The following CFAP299 variants were observed in gnomAD, a reference collection of about 807,000 sequenced individuals.
The protein encoded by CFAP299 is cilia and flagella associated protein 299, also known as cilia- and flagella-associated protein 299.
CFAP299 carries 21 observed loss-of-function variants against 27.0 expected under a neutral mutation model. The observed-to-expected ratio is 0.78, with a 90% confidence interval of 0.55 to 1.12. The LOEUF is 1.12. Among genes scored for constraint, CFAP299 ranks in the 50% most tolerant of loss-of-function variants. CFAP299 has a pLI of 0.00. For missense variants in CFAP299, 310 were observed against 276.6 expected (o/e 1.12, Z -0.86); for synonymous variants, 104 against 98.1 (o/e 1.06, Z -0.36).
At chr4:80,598,517 G>A (rs1267427678) in intron 3 of CFAP299, among the ~76,000 whole-genome samples, 1 of 152,098 alleles carries the variant, frequency 6.6e-6, no homozygotes, top group Non-Finnish European at 1.5e-5. Context: ...CAATTAACAT[G>A]TTTTCTTGAG....
chr4:80,331,643 C>G (rs1011894952), upstream of CFAP299, among the ~76,000 whole-genome samples: 1 of 152,094 alleles, frequency 6.6e-6, no homozygotes, highest in Non-Finnish European at 1.5e-5. Flanking sequence ...CTCACATGAA[C>G]AACTGAGAGG....
intron 5 of CFAP299, among the ~76,000 whole-genome samples, chr4:80,958,786 C>T (rs746681496): frequency 6.6e-6 from 1 of 152,146 alleles, no homozygotes; most frequent in Admixed American, 6.6e-5. Context: ...ACTCATGGTG[C>T]AATCTGAAAG....
chr4:80,335,048 G>C (rs550603192), upstream of CFAP299, among the ~76,000 whole-genome samples: 3 of 152,238 alleles, frequency 2.0e-5, no homozygotes, highest in Non-Finnish European at 4.4e-5. Context: ...ACACAATACT[G>C]TTCTGAAGAA....
At chr4:80,895,499 A>G (rs886483649) in intron 4 of CFAP299, among the ~76,000 whole-genome samples, 10 of 152,032 alleles carry the variant, frequency 6.6e-5, no homozygotes, top group African/African-American at 2.4e-4. Flanking sequence ...TGTTTTCTGA[A>G]TATATGCCTT....
At chr4:80,558,183 C>CT (rs1734866053) in intron 2 of CFAP299, among the ~76,000 whole-genome samples, 8 of 152,060 alleles carry the variant, frequency 5.3e-5, no homozygotes, top group Admixed American at 5.3e-4. Flanking sequence ...CAGTTTCTCT[C>CT]TGTTTCCTAA....
At chr4:80,823,014 A>G (rs1475994881) in intron 3 of CFAP299, among the ~76,000 whole-genome samples, 2 of 152,212 alleles carry the variant, frequency 1.3e-5, no homozygotes, top group Non-Finnish European at 2.9e-5. Flanking sequence ...GGGAGAACAC[A>G]CCAGCTGCAT....
At chr4:80,667,575 G>A (rs958932669) in intron 3 of CFAP299, among the ~76,000 whole-genome samples, 1 of 151,928 alleles carries the variant, frequency 6.6e-6, no homozygotes, top group Non-Finnish European at 1.5e-5. Flanking sequence ...GTTCCCATAT[G>A]TGAACATGCA....
chr4:80,393,971 C>T (rs944763973), intron 2 of CFAP299, among the ~76,000 whole-genome samples: 1 of 152,098 alleles, frequency 6.6e-6, no homozygotes, highest in African/African-American at 2.4e-5. Flanking sequence ...GCGGCTTCCC[C>T]CATTCTGTTC....
intron 2 of CFAP299, among the ~76,000 whole-genome samples, chr4:80,458,011 T>C (rs1456704453): frequency 1.3e-5 from 2 of 152,190 alleles, no homozygotes; most frequent in Non-Finnish European, 2.9e-5. Context: ...ACCTGGATCT[T>C]AGTTTTACTT....
In CFAP299 at chr4:80,655,168, C is replaced by T. The variant is rs748486539; in HGVS notation, c.333+71985C>T. On this transcript the variant is annotated intron_variant, in intron 3 of 5. Coordinates refer to ENST00000358105, the MANE Select transcript of CFAP299 (RefSeq NM_152770.3). ...ATAAATGACAGACAGTCAAAACTTTCGGTGAGACTGATTGACTACAATAGG... is the reference window on the plus strand; with the variant it reads ...ATAAATGACAGACAGTCAAAACTTTTGGTGAGACTGATTGACTACAATAGG... Among the ~76,000 whole-genome samples, 30 of 152,202 alleles carry T rather than the reference C, an allele frequency of 2.0e-4. No homozygotes were observed. In the South Asian group the frequency reaches 2.9e-3, roughly 15 times the overall value.
chr4:80,752,240 C>T (rs1017993508), intron 3 of CFAP299, among the ~76,000 whole-genome samples: 30 of 152,094 alleles, frequency 2.0e-4, no homozygotes, highest in Admixed American at 1.0e-3. Context: ...GCTAATCAGT[C>T]CCAATGCAAG....
At chr4:80,437,609 C>T (rs1002026436) in intron 2 of CFAP299, among the ~76,000 whole-genome samples, 10 of 152,118 alleles carry the variant, frequency 6.6e-5, no homozygotes, top group Non-Finnish European at 1.5e-4. Context: ...GTCCTTTGCT[C>T]CAGAGGGGAG....
rs140162806 is a variant in CFAP299 at position 80,720,463 on chromosome 4, T to C, written c.333+137280T>C. Among the ~76,000 whole-genome samples, 1,427 of 152,270 alleles carry C rather than the reference T, an allele frequency of 9.4e-3. 18 individuals carry two copies. The highest frequency in any genetic ancestry group is 0.061 in the South Asian group (296 of 4,818). ...AGTAAGACCTGAATGGTCTAACTAC[T>C]CTTACTTTTAAGGTAGGATTAATTA... On this transcript the variant is annotated intron_variant, in intron 3 of 5. Transcript: ENST00000358105.
chr4:80,580,271 T>G (rs1021232112), intron 2 of CFAP299, among the ~76,000 whole-genome samples: 2 of 152,068 alleles, frequency 1.3e-5, no homozygotes, highest in African/African-American at 4.8e-5. Context: ...GCTTGAGGTG[T>G]ATTCATTAGC....
the CFAP299 span, among the ~76,000 whole-genome samples, chr4:80,327,703 T>TAC: frequency 3.8e-5 from 5 of 133,168 alleles, no homozygotes; most frequent in African/African-American, 1.5e-4. Context: ...TATATATATA[T>TAC]ATATATATAT....
intron 2 of CFAP299, among the ~76,000 whole-genome samples, chr4:80,382,933 A>G (rs1417752542): frequency 6.6e-6 from 1 of 152,184 alleles, no homozygotes; most frequent in African/African-American, 2.4e-5. Context: ...ATCAACTTAA[A>G]TGCCCATCAA....
intron 3 of CFAP299, among the ~76,000 whole-genome samples, chr4:80,739,218 C>T (rs1724109394): frequency 6.6e-6 from 1 of 152,098 alleles, no homozygotes; most frequent in Non-Finnish European, 1.5e-5. Flanking sequence ...CAGTGTTATA[C>T]TATTCTGTGT....
At chr4:80,954,930 A>G in intron 5 of CFAP299, among the ~76,000 whole-genome samples, 1 of 135,552 alleles carries the variant, frequency 7.4e-6, no homozygotes, top group East Asian at 2.5e-4. Context: ...AACCCAGGAG[A>G]CGGAGCTTGC....
chr4:80,544,076 C>T (rs1036151042), intron 2 of CFAP299, among the ~76,000 whole-genome samples: 23 of 152,096 alleles, frequency 1.5e-4, no homozygotes, highest in Middle Eastern at 3.2e-3. Context: ...AAAGAAATTC[C>T]GACCAAGAAT....
Sources: gnomAD v4.1 joint callset for allele counts (sites outside exome capture counted in the v4.1 genomes callset) on GRCh38, gnomAD v4.1.1 for gene constraint, MANE v1.5 for transcripts, NCBI Gene and HGNC (gene_info 2026-07-23, HGNC 2026-07-21) for gene names.